MAST1: variants seen among roughly 807,000 people sequenced by gnomAD.
The protein encoded by MAST1 is microtubule-associated serine/threonine-protein kinase 1.
In MAST1, 40 loss-of-function variants were observed where a neutral mutation model predicts 124.6. That is an observed-to-expected ratio of 0.32 (90% CI 0.25 to 0.42). MAST1 has a LOEUF of 0.42. MAST1 is among the 10% of genes least tolerant of loss of function. The pLI is 1.00. For synonymous variants in MAST1, 938 were observed against 939.4 expected (o/e 1.00, Z 0.03); for missense variants, 1,558 against 2,181.9 (o/e 0.71, Z 5.70).
chr19:12,872,637 A>T (rs1824208745), intron 24 of MAST1: 2 of 152,594 alleles, frequency 1.3e-5, no homozygotes, highest in Non-Finnish European at 2.9e-5. Context: ...TCACACCTGT[A>T]ATCCCAGCAC....
chr19:12,846,870 CAAAAAAAA>C (rs386388580), intron 4 of MAST1, among the ~76,000 whole-genome samples: 1 of 47,388 alleles, frequency 2.1e-5, no homozygotes, highest in Non-Finnish European at 3.9e-5. Context: ...AACTCCATCT[CAAAAAAAA>C]AAAAAAAAAA....
At chr19:12,861,886 A>T (rs967861405) in intron 12 of MAST1, among the ~76,000 whole-genome samples, 5 of 151,638 alleles carry the variant, frequency 3.3e-5, no homozygotes, top group African/African-American at 1.2e-4. Flanking sequence ...TATTTTTAGT[A>T]GAGATGGGGT....
chr19:12,857,231 G>A (rs1246891826), intron 10 of MAST1, among the ~76,000 whole-genome samples: 1 of 151,078 alleles, frequency 6.6e-6, no homozygotes, highest in Non-Finnish European at 1.5e-5. Flanking sequence ...TTACAGGCAT[G>A]TGCCATCATG....
At position 12,840,999 on chromosome 19, in the gene MAST1, C is replaced by A; in HGVS notation, c.181C>A (p.Pro61Thr). The A allele has an allele frequency of 1.5e-6, 2 of 1,313,500 alleles. No homozygotes were observed. Among genetic ancestry groups the A allele is most frequent in the East Asian group, 4.6e-5 (2 of 43,614 alleles). 81.4% of individuals were successfully genotyped at this position (1,313,500 alleles called of 1,614,324 possible). ...SPLPGHLGSS[P>T]LDSPRNFSPN... ...CCCTCTTTCTCTCATAGGCAGCAGT[C>A]CCCTGGACAGCCCCCGAAACTTCTC... Residue 61 changes from proline (P) to threonine (T), a missense_variant, in exon 3 of 26, where the codon CCC (proline) becomes ACC (threonine). Physicochemically the swap from Pro to Thr is conservative, Grantham distance 38. Transcript: ENST00000251472.
Position 12,841,127 on chromosome 19 carries a change from G to C in MAST1, c.248+61G>C. 1.2e-6 allele frequency: 1 copy of C among 822,738 alleles called. No homozygotes were observed. The highest frequency in any genetic ancestry group is 2.1e-6 in the Non-Finnish European group (1 of 473,122). 51.0% of individuals were successfully genotyped at this position (822,738 alleles called of 1,614,324 possible). ...GCAGACCCTCCCCAACCACTGTCTGGGCCGCCATCTGTTCTCCTCCTAATT... is the reference window on the plus strand; with the variant it reads ...GCAGACCCTCCCCAACCACTGTCTGCGCCGCCATCTGTTCTCCTCCTAATT... On this transcript the variant is annotated intron_variant, in intron 3 of 25. Coordinates refer to ENST00000251472, the MANE Select transcript of MAST1 (RefSeq NM_014975.3). The surrounding 1 kb of genome is among the most constrained non-coding windows in gnomAD (Gnocchi z 4.3).
chr19:12,868,103 A>ATTT lies in MAST1; in HGVS notation c.2566+147_2566+149dup, dbSNP rs34988246. The ATTT allele has an allele frequency of 5.1e-3, 1,624 of 321,040 alleles. 18 individuals carry two copies. Among genetic ancestry groups the ATTT allele is most frequent in the East Asian group, 0.021 (173 of 8,314 alleles). The allele number at this position is 321,040 out of a possible 1,614,324, so 19.9% of individuals were successfully genotyped here. A position where few individuals can be genotyped will look rare whatever the true frequency, so the allele number is the denominator to read the frequency against. ...GGTCCTATTCACATTGCAATTTGGGATTTTTTTTTTTTTTTTTTTTTTTGA... is the reference window on the plus strand; with the variant it reads ...GGTCCTATTCACATTGCAATTTGGGATTTTTTTTTTTTTTTTTTTTTTTTTTGA... On this transcript the variant is annotated intron_variant, in intron 20 of 25. Coordinates refer to ENST00000251472, the MANE Select transcript of MAST1 (RefSeq NM_014975.3).
At chr19:12,846,910 T>G (rs1599578131) in intron 4 of MAST1, among the ~76,000 whole-genome samples, 1 of 144,190 alleles carries the variant, frequency 6.9e-6, no homozygotes, top group African/African-American at 2.6e-5. Flanking sequence ...CCACTGTAGC[T>G]GGAGCAGAGG....
rs1344828227 is a variant in MAST1, at chr19:12,865,243, G to GAAA, written c.1638+65_1638+66insAAA. On this transcript the variant is annotated intron_variant, in intron 14 of 25. Coordinates refer to ENST00000251472, the MANE Select transcript of MAST1 (RefSeq NM_014975.3). This position sits in a 1 kb window ranked among gnomAD's most constrained non-coding sequence, Gnocchi z 7.1. ...CCCTGCAGGACCTCGGGAACCCAGG[G>GAAA]CCTGGTGGGGGGCACAGCTCTCCCT... 1.1e-5 allele frequency: 18 copies of GAAA among 1,589,602 alleles called. 1 individual carries two copies. The East Asian group carries it at 4.0e-4, about 36-fold the overall frequency.
chr19:12,868,078 G>A (rs1475373534), intron 20 of MAST1, 101 bp downstream of exon 20: 1 of 1,163,966 alleles, frequency 8.6e-7, no homozygotes, highest in Non-Finnish European at 1.1e-6. Context: ...AAAGATCTCA[G>A]GTCCTATTCA....
rs183444477 is a variant in MAST1, at chr19:12,841,629, G to A, written c.248+563G>A. Among the ~76,000 whole-genome samples the A allele has an allele frequency of 1.9e-3, 282 of 152,306 alleles. No individual in the cohort carries two copies. Among genetic ancestry groups the A allele is most frequent in the Non-Finnish European group, 3.3e-3 (227 of 68,030 alleles). Reference sequence around the variant, plus strand: ...TCTGGAGAAACGTTTCTGGGAGTTTGGGCCTGTCTCTTTTTCTTTGAACTC... The same window carrying A: ...TCTGGAGAAACGTTTCTGGGAGTTTAGGCCTGTCTCTTTTTCTTTGAACTC... On this transcript the variant is annotated intron_variant, in intron 3 of 25. Transcript: ENST00000251472. The surrounding 1 kb of genome is among the most constrained non-coding windows in gnomAD (Gnocchi z 4.3).
rs568211867 is a variant in MAST1 at position 12,863,587 on chromosome 19, C to G, written c.1367-1222C>G. 1.9e-4 allele frequency among the ~76,000 whole-genome samples: 29 copies of G among 152,288 alleles called. 1 individual carries two copies. Among genetic ancestry groups the G allele is most frequent in the Admixed American group, 1.4e-3 (22 of 15,288 alleles). Reference sequence around the variant, plus strand: ...ATGTGGGCTTCCTTCTAGACAAGCCCTCATGTAGCAAGGTTGCCATCTAGC... The same window carrying G: ...ATGTGGGCTTCCTTCTAGACAAGCCGTCATGTAGCAAGGTTGCCATCTAGC... On this transcript the variant is annotated intron_variant, in intron 12 of 25. Coordinates refer to ENST00000251472, the MANE Select transcript of MAST1 (RefSeq NM_014975.3).
At chr19:12,863,158 C>CAAAA (rs749539925) in intron 12 of MAST1, among the ~76,000 whole-genome samples, 5 of 44,106 alleles carry the variant, frequency 1.1e-4, no homozygotes, top group Non-Finnish European at 2.2e-4. Context: ...GACTCTGACT[C>CAAAA]AAAAAAAAAA....
At chr19:12,870,013 C>G (rs1418469656) in intron 22 of MAST1, among the ~76,000 whole-genome samples, 1 of 149,018 alleles carries the variant, frequency 6.7e-6, no homozygotes, top group East Asian at 2.0e-4. Flanking sequence ...AACCCCCTCT[C>G]TACTAAAAAT....
In MAST1 at chr19:12,865,586, G is replaced by A; in HGVS notation, c.1804+105G>A. The stretch of plus-strand genomic sequence containing the variant: ...AAAGCGACCCCCCAGAGGATCGCTT[G>A]CACTCAGGAGGTCAAGGCTGCAGTG... On this transcript the variant is annotated intron_variant, in intron 15 of 25. Coordinates refer to ENST00000251472, the MANE Select transcript of MAST1 (RefSeq NM_014975.3). The surrounding 1 kb of genome is among the most constrained non-coding windows in gnomAD (Gnocchi z 7.1). 1 of 1,481,236 alleles carries A rather than the reference G, an allele frequency of 6.8e-7. No individual in the cohort carries two copies. Among genetic ancestry groups the A allele is most frequent in the Non-Finnish European group, 9.2e-7 (1 of 1,092,746 alleles). The allele number at this position is 1,481,236 out of a possible 1,614,324, so 91.8% of individuals were successfully genotyped here.
rs773121144 is a variant in MAST1, at chr19:12,868,622, C to A, written c.2567-21C>A. On this transcript the variant is annotated intron_variant, in intron 20 of 25. Transcript: ENST00000251472. Reference sequence around the variant, plus strand: ...TCCCTGGCCTTGGACTAATTCCTAACACACTTGCTTTCTGTTGCAGCTGAC... The same window carrying A: ...TCCCTGGCCTTGGACTAATTCCTAAAACACTTGCTTTCTGTTGCAGCTGAC... 4 of 1,555,594 alleles carry A rather than the reference C, an allele frequency of 2.6e-6. No individual in the cohort carries two copies. The South Asian group carries it at 4.8e-5, about 19-fold the overall frequency.
Position 12,847,772 on chromosome 19 carries a change from T to G in MAST1, c.565-76T>G, listed in dbSNP as rs753595631. On this transcript the variant is annotated intron_variant, in intron 6 of 25. Coordinates refer to ENST00000251472, the MANE Select transcript of MAST1 (RefSeq NM_014975.3). The surrounding 1 kb of genome is among the most constrained non-coding windows in gnomAD (Gnocchi z 5.5). ...TATCCCCGCGCGCCCCCTGGCGGCC[T>G]CGGTGCGCAGCGCAGGCTCCTGGCG... 2 of 1,583,804 alleles carry G rather than the reference T, an allele frequency of 1.3e-6. No homozygotes were observed. Among genetic ancestry groups the G allele is most frequent in the East Asian group, 2.3e-5 (1 of 44,358 alleles).
In MAST1 at chr19:12,858,802, T is replaced by A. The variant is rs768667292; in HGVS notation, c.1366+63T>A. 3 of 1,552,004 alleles carry A rather than the reference T, an allele frequency of 1.9e-6. No homozygotes were observed. The East Asian group carries it at 6.8e-5, about 35-fold the overall frequency. ...GTGCTCACTGGTCAGGGCTGCGGGG[T>A]GGCCTGCCTGAGCCGCAGTCTCCAT... On this transcript the variant is annotated intron_variant, in intron 12 of 25. Coordinates refer to ENST00000251472, the MANE Select transcript of MAST1 (RefSeq NM_014975.3).
intron 7 of MAST1, among the ~76,000 whole-genome samples, chr19:12,851,129 G>T (rs1014681424): frequency 1.4e-4 from 21 of 151,846 alleles, no homozygotes; most frequent in African/African-American, 5.1e-4. Flanking sequence ...TGTACTTCCA[G>T]TAGAGATGGG....
rs974233720 is a variant in MAST1 at position 12,866,400 on chromosome 19, T to G, written c.2030-253T>G. On this transcript the variant is annotated intron_variant, in intron 17 of 25. Coordinates refer to ENST00000251472, the MANE Select transcript of MAST1 (RefSeq NM_014975.3). This position sits in a 1 kb window ranked among gnomAD's most constrained non-coding sequence, Gnocchi z 5.2. Reference sequence around the variant, plus strand: ...AGAGGTACTAGCGCTCAGAATGGCCTGGGGTGATGCCAGGGTGCAGAGCAC... The same window carrying G: ...AGAGGTACTAGCGCTCAGAATGGCCGGGGGTGATGCCAGGGTGCAGAGCAC... Among the ~76,000 whole-genome samples the G allele has an allele frequency of 6.6e-6, 1 of 152,062 alleles. No individual in the cohort carries two copies. Among genetic ancestry groups the G allele is most frequent in the Non-Finnish European group, 1.5e-5 (1 of 67,994 alleles).
Sources: allele counts gnomAD v4.1 joint callset (sites outside exome capture counted in the v4.1 genomes callset), GRCh38; gene constraint gnomAD v4.1.1; non-coding constraint Gnocchi (gnomAD v3.1); transcripts MANE v1.5; gene names NCBI Gene and HGNC (gene_info 2026-07-23, HGNC 2026-07-21).